THSD4: variants seen among roughly 807,000 people sequenced by gnomAD.
THSD4 encodes thrombospondin type-1 domain-containing protein 4.
Under a neutral mutation model 119.0 loss-of-function variants are expected in THSD4, and 69 were observed. The observed-to-expected ratio is 0.58, with a 90% CI of 0.48 to 0.71. The LOEUF is 0.71. THSD4 is among the 30% of genes least tolerant of loss of function. The pLI, the probability that THSD4 is intolerant of heterozygous loss-of-function variation, is 0.00. For synonymous variants in THSD4, 524 were observed against 540.4 expected (o/e 0.97, Z 0.42); for missense variants, 1,393 against 1,391.1 (o/e 1.00, Z -0.02).
rs2044071906 is a variant in THSD4, at chr15:71,232,806, G to A, written c.465-9843G>A. Among the ~76,000 whole-genome samples the A allele has an allele frequency of 1.3e-5, 2 of 152,294 alleles. 1 individual carries two copies. The highest frequency in any genetic ancestry group is 3.9e-4 in the East Asian group (2 of 5,182). Reference sequence around the variant, plus strand: ...GTCTTGGTTTGAACTTTATTTTCTAGGCAGAAATGAGCCAGGTGGGTCTTT... The same window carrying A: ...GTCTTGGTTTGAACTTTATTTTCTAAGCAGAAATGAGCCAGGTGGGTCTTT... On this transcript the variant is annotated intron_variant, in intron 4 of 17. Transcript: ENST00000261862.
intron 7 of THSD4, among the ~76,000 whole-genome samples, chr15:71,470,728 C>CG (rs1346905248): frequency 6.6e-6 from 1 of 151,932 alleles, no homozygotes; most frequent in Non-Finnish European, 1.5e-5. Flanking sequence ...CTCCGCTTCC[C>CG]GGGTTCACGC....
chr15:71,595,156 A>G (rs1442955033), intron 7 of THSD4, among the ~76,000 whole-genome samples: 1 of 152,194 alleles, frequency 6.6e-6, no homozygotes, highest in African/African-American at 2.4e-5. Flanking sequence ...TCTCTTCTAT[A>G]CAAGTAATGG....
intron 7 of THSD4, among the ~76,000 whole-genome samples, chr15:71,484,778 G>T (rs2047789447): frequency 6.6e-6 from 1 of 152,190 alleles, no homozygotes; most frequent in Non-Finnish European, 1.5e-5. Context: ...TTGTGATGAA[G>T]TGAACCCTTG....
At chr15:71,520,244 A>G (rs2048420279) in intron 7 of THSD4, among the ~76,000 whole-genome samples, 1 of 152,170 alleles carries the variant, frequency 6.6e-6, no homozygotes, top group Non-Finnish European at 1.5e-5. Context: ...GCTCTCACTA[A>G]GGGAGGGGTC....
rs1215547880 is a variant in THSD4, at chr15:71,441,397, A to ATTTTTTTTTT, written c.1152+29586_1152+29595dup. ...GTCCTTGGAGAGTTTCACCTGTAGA[A>ATTTTTTTTTT]TTTTTTTTTTTTTTTTTTTTTGAGA... On this transcript the variant is annotated intron_variant, in intron 7 of 17. Coordinates refer to ENST00000261862, the MANE Select transcript of THSD4 (RefSeq NM_024817.3). Among the ~76,000 whole-genome samples, 19 of 73,362 alleles carry ATTTTTTTTTT rather than the reference A, an allele frequency of 2.6e-4. 2 individuals are homozygous for ATTTTTTTTTT. Among genetic ancestry groups the ATTTTTTTTTT allele is most frequent in the African/African-American group, 3.7e-4 (7 of 18,854 alleles). 48.1% of individuals were successfully genotyped at this position (73,362 alleles called of 152,430 possible). A position where few individuals can be genotyped will look rare whatever the true frequency, so the allele number is the denominator to read the frequency against.
Position 71,779,114 on chromosome 15 carries a change from C to G in THSD4, c.*1740C>G, listed in dbSNP as rs1208563054. The G allele has an allele frequency of 6.6e-6, 1 of 152,228 alleles. No homozygotes were observed. The highest frequency in any genetic ancestry group is 1.5e-5 in the Non-Finnish European group (1 of 68,040). 9.4% of individuals were successfully genotyped at this position (152,228 alleles called of 1,614,324 possible). On this transcript the variant is annotated 3_prime_UTR_variant, in exon 18 of 18. Transcript: ENST00000261862. The stretch of plus-strand genomic sequence containing the variant: ...GCCTGACATGCTCTTTAGGCTTCCA[C>G]TAACCTGGGGCTTTCAGAAATTCTA...
intron 3 of THSD4, among the ~76,000 whole-genome samples, chr15:71,170,778 A>T (rs1489248303): frequency 6.6e-6 from 1 of 152,162 alleles, no homozygotes; most frequent in Non-Finnish European, 1.5e-5. Context: ...GAAAACAAAG[A>T]TATTAAAAAT....
chr15:71,357,174 C>G (rs767509197), intron 6 of THSD4, among the ~76,000 whole-genome samples: 1 of 152,214 alleles, frequency 6.6e-6, no homozygotes. Context: ...CTGCCTCCTG[C>G]CTTCTTGCCT....
intron 6 of THSD4, among the ~76,000 whole-genome samples, chr15:71,326,700 A>AAAATATATATATATATATATAT: frequency 1.6e-4 from 1 of 6,450 alleles, no homozygotes; most frequent in African/African-American, 3.4e-4. Context: ...AAAAAAAAAA[A>AAAATATATATATATATATATAT]ATATATATAT....
At chr15:71,115,258 TCTAGACCGTA>T (rs2040347014), upstream of THSD4, 1 of 152,576 alleles carries the variant, frequency 6.6e-6, no homozygotes, top group South Asian at 2.1e-4. The surrounding 1 kb of genome is among the most constrained non-coding windows in gnomAD (Gnocchi z 4.4). Flanking sequence ...GTGGCCTCTG[TCTAGACCGTA>T]CTCCCTCCTA....
chr15:71,564,179 C>G (rs1379959319), intron 7 of THSD4, among the ~76,000 whole-genome samples: 5 of 152,146 alleles, frequency 3.3e-5, no homozygotes, highest in Non-Finnish European at 7.3e-5. Flanking sequence ...AGGTAAGATG[C>G]CCTATTCCTG....
chr15:71,696,452 C>A (rs538126557), intron 8 of THSD4, among the ~76,000 whole-genome samples: 10 of 152,290 alleles, frequency 6.6e-5, no homozygotes, highest in African/African-American at 9.6e-5. Context: ...GGATCCACCC[C>A]CAATGACCCA....
At chr15:71,687,260 A>G (rs908696012) in intron 8 of THSD4, among the ~76,000 whole-genome samples, 24 of 152,160 alleles carry the variant, frequency 1.6e-4, no homozygotes, top group African/African-American at 5.8e-4. Context: ...TAATGTTGTT[A>G]GGTTTTGCTG....
chr15:71,495,834 A>G (rs931324109), intron 7 of THSD4, among the ~76,000 whole-genome samples: 3 of 152,196 alleles, frequency 2.0e-5, no homozygotes, highest in Admixed American at 6.5e-5. Context: ...TAGTAACTCC[A>G]TGAGGCTTCA....
chr15:71,457,009 A>G (rs1363323017), intron 7 of THSD4, among the ~76,000 whole-genome samples: 1 of 152,130 alleles, frequency 6.6e-6, no homozygotes, highest in African/African-American at 2.4e-5. Flanking sequence ...TCATTGAGAG[A>G]ACTTGTGAAC....
intron 6 of THSD4, among the ~76,000 whole-genome samples, chr15:71,387,527 G>A (rs1054603724): frequency 2.0e-5 from 3 of 152,116 alleles, no homozygotes; most frequent in Non-Finnish European, 4.4e-5. Flanking sequence ...GAAATATGCT[G>A]TTTTAGATTT....
At chr15:71,668,829 C>G (rs992442166) in intron 8 of THSD4, among the ~76,000 whole-genome samples, 4 of 152,146 alleles carry the variant, frequency 2.6e-5, no homozygotes, top group Admixed American at 2.0e-4. Flanking sequence ...CCAAGGATCA[C>G]TAGACATTTT....
chr15:71,556,210 T>C (rs1288704690), intron 7 of THSD4, among the ~76,000 whole-genome samples: 1 of 152,196 alleles, frequency 6.6e-6, no homozygotes, highest in African/African-American at 2.4e-5. Context: ...GTATTGAGTC[T>C]ATAGATCAAT....
At chr15:71,391,128 A>T (rs542394157) in intron 6 of THSD4, among the ~76,000 whole-genome samples, 1 of 150,602 alleles carries the variant, frequency 6.6e-6, no homozygotes, top group East Asian at 2.0e-4. Context: ...TCCCGGGTTC[A>T]CACCATTCTC....
Sources: gnomAD v4.1 joint callset for allele counts (sites outside exome capture counted in the v4.1 genomes callset) on GRCh38, gnomAD v4.1.1 for gene constraint, Gnocchi (gnomAD v3.1) non-coding constraint, MANE v1.5 for transcripts, NCBI Gene and HGNC (gene_info 2026-07-23, HGNC 2026-07-21) for gene names.